STYK1: variants seen among roughly 807,000 people sequenced by gnomAD.
STYK1 encodes the protein STY kinase 1.
In STYK1, 46 loss-of-function variants were observed where a neutral mutation model predicts 48.1. The observed-to-expected ratio is 0.96, with a 90% confidence interval of 0.75 to 1.22. STYK1 has a LOEUF of 1.22. Ranked by LOEUF, STYK1 falls within the 50% of genes most tolerant of loss-of-function variation. The probability of loss-of-function intolerance (pLI) is 0.00; values close to 1 mark genes in which losing one functional copy is unlikely to be tolerated. For missense variants in STYK1, 527 were observed against 521.1 expected (o/e 1.01, Z -0.11); for synonymous variants, 188 against 189.0 (o/e 0.99, Z 0.04).
chr12:10,670,704 T>C (rs1565577329), intron 1 of STYK1, among the ~76,000 whole-genome samples: 1 of 151,696 alleles, frequency 6.6e-6, no homozygotes, highest in Non-Finnish European at 1.5e-5. Flanking sequence ...TATTGTATTC[T>C]TGAAAATTGC....
At chr12:10,657,389 G>C (rs930283997) in intron 1 of STYK1, among the ~76,000 whole-genome samples, 2 of 152,156 alleles carry the variant, frequency 1.3e-5, no homozygotes, top group African/African-American at 2.4e-5. Context: ...ATATGAAAGA[G>C]CTCTGATTAA....
intron 10 of STYK1, 96 bp downstream of exon 10, chr12:10,621,780 G>C (rs1221753919): frequency 9.2e-7 from 1 of 1,087,276 alleles, no homozygotes; most frequent in East Asian, 2.4e-5. Flanking sequence ...ATATACACAG[G>C]TGAGGATCAT....
At chr12:10,622,397 A>C (rs1041647744) in intron 9 of STYK1, among the ~76,000 whole-genome samples, 6 of 152,198 alleles carry the variant, frequency 3.9e-5, no homozygotes, top group East Asian at 1.9e-4. Context: ...ATTTTGGGGA[A>C]AATAAAGAGG....
chr12:10,634,240 T>A, intron 3 of STYK1, 116 bp from the exon 4 acceptor site: 2 of 1,200,552 alleles, frequency 1.7e-6, no homozygotes, highest in Non-Finnish European at 2.3e-6. Context: ...TCATCTCTTC[T>A]ACCATCTCCT....
At chr12:10,643,776 G>C (rs1947570860) in intron 1 of STYK1, among the ~76,000 whole-genome samples, 1 of 152,188 alleles carries the variant, frequency 6.6e-6, no homozygotes, top group African/African-American at 2.4e-5. Flanking sequence ...AACAGAGCTT[G>C]ATACATTCTC....
chr12:10,644,750 G>A (rs969902404), intron 1 of STYK1, among the ~76,000 whole-genome samples: 1 of 152,178 alleles, frequency 6.6e-6, no homozygotes, highest in Non-Finnish European at 1.5e-5. Context: ...CAAAGAAGAG[G>A]AGATGATGAG....
rs1452314363 is a variant in STYK1, at chr12:10,620,308, C to T, written c.1105G>A (p.Asp369Asn). The T allele has an allele frequency of 1.9e-6, 3 of 1,613,646 alleles. No homozygotes were observed. Among genetic ancestry groups the T allele is most frequent in the Non-Finnish European group, 2.5e-6 (3 of 1,180,044 alleles). ...MKSCWRWREA[D>N]RPSPRELRLR... is the part of the protein sequence containing the mutation. ...CGCAGCTCTCTAGGTGAGGGGCGGT[C>T]AGCCTCACGCCAGCGCCAGCAGGAC... Residue 369 changes from aspartate (D) to asparagine (N), a missense_variant, in exon 11 of 11, where the codon GAC (aspartate) becomes AAC (asparagine). Asp to Asn is a conservative substitution (Grantham distance 23, BLOSUM62 1). Transcript: ENST00000075503.
At chr12:10,651,126 CTTG>C (rs1404411534) in intron 1 of STYK1, among the ~76,000 whole-genome samples, 1 of 152,032 alleles carries the variant, frequency 6.6e-6, no homozygotes, top group Admixed American at 6.6e-5. Flanking sequence ...CTGCAGCTAG[CTTG>C]TTATCTTAAG....
chr12:10,633,658 T>C (rs1403186391), intron 4 of STYK1, among the ~76,000 whole-genome samples: 1 of 152,186 alleles, frequency 6.6e-6, no homozygotes, highest in African/African-American at 2.4e-5. Context: ...AGGATGTTCA[T>C]AAAGCCTTGG....
intron 1 of STYK1, among the ~76,000 whole-genome samples, chr12:10,648,502 T>C (rs918286000): frequency 1.3e-5 from 2 of 152,008 alleles, no homozygotes; most frequent in Admixed American, 6.6e-5. Flanking sequence ...TTAACAAATA[T>C]GGAAGCATGT....
chr12:10,663,684 T>G lies in STYK1; in HGVS notation c.-195+10282A>C, dbSNP rs1455900152. Among the ~76,000 whole-genome samples, 13 of 150,072 alleles carry G rather than the reference T, an allele frequency of 8.7e-5. No individual in the cohort carries two copies. The East Asian group carries it at 2.6e-3, about 30-fold the overall frequency. Reference sequence around the variant, plus strand: ...ACTTTGTTCTTTTTCAAGACTGTTTTGGCTATTCTGACTCCCTTGCGTTCT... The same window carrying G: ...ACTTTGTTCTTTTTCAAGACTGTTTGGGCTATTCTGACTCCCTTGCGTTCT... On this transcript the variant is annotated intron_variant, in intron 1 of 10. Transcript: ENST00000075503.
intron 1 of STYK1, among the ~76,000 whole-genome samples, chr12:10,646,965 C>T (rs1353002068): frequency 6.6e-6 from 1 of 152,222 alleles, no homozygotes; most frequent in Non-Finnish European, 1.5e-5. Flanking sequence ...GAACCTCTGC[C>T]TAGATTTCAG....
Position 10,620,349 on chromosome 12 carries a change from C to G in STYK1, c.1065-1G>C. 1 of 1,612,386 alleles carries G rather than the reference C, an allele frequency of 6.2e-7. No homozygotes were observed. Among genetic ancestry groups the G allele is most frequent in the Non-Finnish European group, 8.5e-7 (1 of 1,179,842 alleles). On this transcript the variant is annotated splice_acceptor_variant, in intron 10 of 10. Transcript: ENST00000075503. LOFTEE classifies it high-confidence loss of function. ...CCAGCAGGACTTCATGATACTGTACCTGAGAGGGAAACAAGAGAAACTGAC... is the reference window on the plus strand; with the variant it reads ...CCAGCAGGACTTCATGATACTGTACGTGAGAGGGAAACAAGAGAAACTGAC...
intron 5 of STYK1, among the ~76,000 whole-genome samples, chr12:10,630,097 T>C (rs1378177443): frequency 6.8e-6 from 1 of 146,248 alleles, no homozygotes; most frequent in Non-Finnish European, 1.5e-5. Context: ...GAGAGAAATA[T>C]AATGTAAGCT....
At chr12:10,645,938 C>A (rs543586749) in intron 1 of STYK1, among the ~76,000 whole-genome samples, 4 of 152,310 alleles carry the variant, frequency 2.6e-5, no homozygotes, top group African/African-American at 9.6e-5. Flanking sequence ...TCTTTGCCTG[C>A]CACCATCCAC....
chr12:10,640,861 T>A (rs1402734488), intron 1 of STYK1: 1 of 152,222 alleles, frequency 6.6e-6, no homozygotes, highest in Non-Finnish European at 1.5e-5. Context: ...AGGTAAGAAA[T>A]GCAGTGCTCA....
intron 1 of STYK1, among the ~76,000 whole-genome samples, chr12:10,641,277 G>A (rs1032706914): frequency 6.6e-6 from 1 of 152,072 alleles, no homozygotes; most frequent in East Asian, 1.9e-4. Flanking sequence ...GATGGGTTGG[G>A]GCTGCTTTCA....
At chr12:10,670,989 A>C (rs1438455171) in intron 1 of STYK1, among the ~76,000 whole-genome samples, 1 of 125,520 alleles carries the variant, frequency 8.0e-6, no homozygotes, top group Non-Finnish European at 1.7e-5. Flanking sequence ...ACCTATGAAT[A>C]TATTGATTTT....
chr12:10,666,330 C>A (rs1190662446), intron 1 of STYK1, among the ~76,000 whole-genome samples: 2 of 152,192 alleles, frequency 1.3e-5, no homozygotes, highest in African/African-American at 2.4e-5. Context: ...CTTCTCTAAA[C>A]ACCAAATTAG....
Sources: gnomAD v4.1 joint callset for allele counts (sites outside exome capture counted in the v4.1 genomes callset) on GRCh38, gnomAD v4.1.1 for gene constraint, MANE v1.5 for transcripts, NCBI Gene and HGNC (gene_info 2026-07-23, HGNC 2026-07-21) for gene names.